ARHGAP42: variants seen among roughly 807,000 people sequenced by gnomAD.
ARHGAP42 encodes the protein rho GTPase-activating protein 42.
ARHGAP42 carries 63 observed loss-of-function variants against 125.0 expected under a neutral mutation model. The ratio of observed to expected loss-of-function variants is 0.50; its 90% CI spans 0.41 to 0.62. ARHGAP42 has a LOEUF of 0.62. Ranked by LOEUF, ARHGAP42 falls within the 20% of genes least tolerant of loss-of-function variation. The pLI, the probability that ARHGAP42 is intolerant of heterozygous loss-of-function variation, is 0.00. For missense variants in ARHGAP42, 766 were observed against 1,024.2 expected, an observed-to-expected ratio of 0.75 and a Z score of 3.44; for synonymous variants, 339 against 351.0, an observed-to-expected ratio of 0.97 and a Z score of 0.38.
intron 5 of ARHGAP42, among the ~76,000 whole-genome samples, chr11:100,920,631 A>G (rs1172139776): frequency 6.6e-6 from 1 of 152,180 alleles, no homozygotes; most frequent in Non-Finnish European, 1.5e-5. Flanking sequence ...CACTTTTTAA[A>G]GAGTGCATCT....
chr11:100,835,977 C>A (rs1864778525), intron 3 of ARHGAP42, among the ~76,000 whole-genome samples: 1 of 151,922 alleles, frequency 6.6e-6, no homozygotes, highest in East Asian at 1.9e-4. Context: ...ATGAAGCCAG[C>A]CGAACAAGGA....
intron 1 of ARHGAP42, among the ~76,000 whole-genome samples, chr11:100,746,490 A>G (rs892572959): frequency 1.3e-5 from 2 of 152,228 alleles, no homozygotes; most frequent in Admixed American, 6.5e-5. Context: ...AAGCATAACA[A>G]TTGCCTTTGT....
intron 13 of ARHGAP42, 142 bp downstream of exon 13, chr11:100,960,087 G>A: frequency 2.8e-6 from 2 of 703,916 alleles, no homozygotes; most frequent in Non-Finnish European, 4.7e-6. Flanking sequence ...GTATGTATCG[G>A]TATACAAATA....
intron 8 of ARHGAP42, among the ~76,000 whole-genome samples, chr11:100,941,562 A>G (rs1591310366): frequency 6.6e-6 from 1 of 151,174 alleles, no homozygotes; most frequent in East Asian, 2.0e-4. Flanking sequence ...CAAGTTTTAC[A>G]AAGTCGGTGT....
At position 100,973,159 on chromosome 11, in the gene ARHGAP42, TG is replaced by T. The variant is rs768972604; in HGVS notation, c.1551-15del. ...AACATATAACTTAAGATATTTTTGT[TG>T]CTTTTTATTTGCAGAGTATCACTAC... is the stretch of plus-strand genomic sequence containing the variant. On this transcript the variant is annotated splice_polypyrimidine_tract_variant and intron_variant, in intron 17 of 23. Coordinates refer to ENST00000298815, the MANE Select transcript of ARHGAP42 (RefSeq NM_152432.4). 5.1e-5 allele frequency: 76 copies of T among 1,496,160 alleles called. No individual in the cohort carries two copies. The highest frequency in any genetic ancestry group is 8.9e-7 in the Non-Finnish European group (1 of 1,119,936). The allele number at this position is 1,496,160 out of a possible 1,614,324, so 92.7% of individuals were successfully genotyped here.
At chr11:100,900,076 T>C (rs1359325729) in intron 4 of ARHGAP42, among the ~76,000 whole-genome samples, 3 of 152,160 alleles carry the variant, frequency 2.0e-5, no homozygotes, top group African/African-American at 7.2e-5. Flanking sequence ...AGTGCTACCT[T>C]CAGGACCTCT....
chr11:100,912,860 C>T (rs777907520), intron 4 of ARHGAP42, among the ~76,000 whole-genome samples: 1 of 152,102 alleles, frequency 6.6e-6, no homozygotes, highest in Non-Finnish European at 1.5e-5. Context: ...TCAATTTATT[C>T]GACTTCAAAT....
intron 1 of ARHGAP42, among the ~76,000 whole-genome samples, chr11:100,737,342 G>A (rs1815137594): frequency 1.3e-5 from 2 of 152,296 alleles, no homozygotes; most frequent in South Asian, 4.1e-4. Context: ...CAAAGAAGAT[G>A]CTTATTTTGG....
intron 3 of ARHGAP42, among the ~76,000 whole-genome samples, chr11:100,843,535 A>G (rs1864990115): frequency 6.6e-6 from 1 of 152,110 alleles, no homozygotes; most frequent in Admixed American, 6.6e-5. Context: ...TGATGATATG[A>G]TTGTATACCT....
At chr11:100,768,700 A>G (rs144709517) in intron 1 of ARHGAP42, among the ~76,000 whole-genome samples, 2,571 of 152,234 alleles carry the variant, frequency 0.017, 28 homozygotes, top group Non-Finnish European at 0.026. Context: ...GCTCTGAGAG[A>G]TGGGATCTTT....
At chr11:100,800,649 T>C (rs1863828719) in intron 3 of ARHGAP42, among the ~76,000 whole-genome samples, 1 of 152,224 alleles carries the variant, frequency 6.6e-6, no homozygotes, top group South Asian at 2.1e-4. Flanking sequence ...TCATTTCATT[T>C]CTTCTTTTGG....
chr11:100,888,439 A>T lies in ARHGAP42; in HGVS notation c.385-25013A>T, dbSNP rs146367954. ...TAGTTGACCTAAAACAAAGTGGGGG[A>T]TATGGGGATGTGTATGTGGGCTGGG... On this transcript the variant is annotated intron_variant, in intron 4 of 23. Transcript: ENST00000298815. Among the ~76,000 whole-genome samples, 1,176 of 152,080 alleles carry T rather than the reference A, an allele frequency of 7.7e-3. 10 individuals carry two copies. The highest frequency in any genetic ancestry group is 9.0e-3 in the Non-Finnish European group (613 of 67,986).
At chr11:100,949,987 T>C in intron 12 of ARHGAP42, 31 bp downstream of exon 12, 1 of 1,327,746 alleles carries the variant, frequency 7.5e-7, no homozygotes, top group South Asian at 1.4e-5. Context: ...TTTAAAATTT[T>C]ATCATGAAGT....
intron 1 of ARHGAP42, among the ~76,000 whole-genome samples, chr11:100,731,367 C>T (rs1490873022): frequency 6.6e-6 from 1 of 152,054 alleles, no homozygotes; most frequent in Non-Finnish European, 1.5e-5. Flanking sequence ...CCATGTTGGC[C>T]AGGGTGGTCT....
At chr11:100,769,712 C>CTTTT (rs140626690) in intron 1 of ARHGAP42, among the ~76,000 whole-genome samples, 54 of 78,084 alleles carry the variant, frequency 6.9e-4, no homozygotes, top group Non-Finnish European at 9.0e-4. Context: ...AGCATTCCTT[C>CTTTT]TTTTTTTTTT....
At chr11:100,718,086 G>C (rs1004766927) in intron 1 of ARHGAP42, among the ~76,000 whole-genome samples, 2 of 149,918 alleles carry the variant, frequency 1.3e-5, no homozygotes, top group Admixed American at 6.6e-5. Flanking sequence ...AAAAATTGAG[G>C]TACATTATCT....
intron 10 of ARHGAP42, among the ~76,000 whole-genome samples, chr11:100,945,305 C>G (rs1418701657): frequency 1.4e-5 from 2 of 144,838 alleles, no homozygotes; most frequent in African/African-American, 5.2e-5. Flanking sequence ...GTCTTGAACC[C>G]CTCCAACTCA....
At chr11:100,886,073 T>C (rs1866086271) in intron 4 of ARHGAP42, among the ~76,000 whole-genome samples, 1 of 152,206 alleles carries the variant, frequency 6.6e-6, no homozygotes, top group Admixed American at 6.5e-5. Context: ...TGGTCTACAT[T>C]TTTTATTTTA....
chr11:100,694,749 C>T lies in ARHGAP42; in HGVS notation c.154+6917C>T, dbSNP rs1380778781. ...TGAAAATTAAAATCACATGCTGAGG[C>T]CAGGCGTGGTGGCTCACGGCTGTAA... On this transcript the variant is annotated intron_variant, in intron 1 of 23. Coordinates refer to ENST00000298815, the MANE Select transcript of ARHGAP42 (RefSeq NM_152432.4). Among the ~76,000 whole-genome samples, 4 of 152,234 alleles carry T rather than the reference C, an allele frequency of 2.6e-5. No individual in the cohort carries two copies. The East Asian group carries it at 7.7e-4, about 29-fold the overall frequency.
Sources: gnomAD v4.1 joint callset for allele counts (sites outside exome capture counted in the v4.1 genomes callset) on GRCh38, gnomAD v4.1.1 for gene constraint, MANE v1.5 for transcripts, NCBI Gene and HGNC (gene_info 2026-07-23, HGNC 2026-07-21) for gene names.